Variants in LRRTM2 observed in about 807,000 individuals in gnomAD.
The protein encoded by LRRTM2 is leucine-rich repeat transmembrane neuronal protein 2.
Under a neutral mutation model 40.7 loss-of-function variants are expected in LRRTM2, and 14 were observed. The observed-to-expected ratio is 0.34, with a 90% confidence interval of 0.23 to 0.54. LRRTM2 has a LOEUF of 0.54. LRRTM2 is among the 20% of genes least tolerant of loss of function. LRRTM2 has a pLI of 0.92. For synonymous variants in LRRTM2, 223 were observed against 237.6 expected, an observed-to-expected ratio of 0.94 and a Z score of 0.57; for missense variants, 468 against 624.4, an observed-to-expected ratio of 0.75 and a Z score of 2.67.
In LRRTM2 at chr5:138,874,272, T is replaced by G. The variant is rs758194786; in HGVS notation, c.289A>C (p.Ile97Leu). ...AAAGCATCTTCTTTTACTGTTGAAATTTGATTGTGATCTAAGTGGAGCCAA... is the reference window on the plus strand; with the variant it reads ...AAAGCATCTTCTTTTACTGTTGAAAGTTGATTGTGATCTAAGTGGAGCCAA... The part of the protein sequence containing the change: ...LTWLHLDHNQ[I>L]STVKEDAFQG... Residue 97 changes from isoleucine (I) to leucine (L), a missense_variant, in exon 2 of 2, where the codon ATT becomes CTT. Coordinates refer to ENST00000274711, the MANE Select transcript of LRRTM2 (RefSeq NM_015564.3). This position sits in a 1 kb window ranked among gnomAD's most constrained non-coding sequence, Gnocchi z 4.1. 105 of 1,613,928 alleles carry G rather than the reference T, an allele frequency of 6.5e-5. No individual in the cohort carries two copies. Among genetic ancestry groups the G allele is most frequent in the Non-Finnish European group, 8.7e-5 (103 of 1,179,910 alleles).
At position 138,872,055 on chromosome 5, in the gene LRRTM2, TGTGTGTGTGTGTGC is replaced by T. The variant is rs762687083; in HGVS notation, c.*941_*954del. The T allele has an allele frequency of 1.8e-3, 254 of 139,136 alleles. 1 individual carries two copies. Among genetic ancestry groups the T allele is most frequent in the Non-Finnish European group, 3.0e-3 (191 of 63,834 alleles). 8.6% of individuals were successfully genotyped at this position (139,136 alleles called of 1,614,324 possible). A position where few individuals can be genotyped will look rare whatever the true frequency, so the allele number is the denominator to read the frequency against. On this transcript the variant is annotated 3_prime_UTR_variant, in exon 2 of 2. Coordinates refer to ENST00000274711, the MANE Select transcript of LRRTM2 (RefSeq NM_015564.3). ...GTGTGTGTGTGTGTGTGTGTGTGTG[TGTGTGTGTGTGTGC>T]GCTTTTAAATTGGAGGGAGCATGTC...
chr5:138,874,223 T>A lies in LRRTM2; in HGVS notation c.338A>T (p.Glu113Val). 2 of 1,613,818 alleles carry A rather than the reference T, an allele frequency of 1.2e-6. No individual in the cohort carries two copies. Among genetic ancestry groups the A allele is most frequent in the Non-Finnish European group, 1.7e-6 (2 of 1,179,718 alleles). Reference protein sequence around the residue: ...DAFQGLYKLKELILSSNKIFY... With the variant: ...DAFQGLYKLKVLILSSNKIFY... ...TATTTTGTTGGAACTTAAGATTAAT[T>A]CCTTAAGTTTATATAGTCCTTGAAA... The change falls in exon 2 of 2, where the codon GAA (glutamate) becomes GTA (valine). Residue 113 changes from glutamate (E) to valine (V), a missense_variant. Glu to Val is a moderately radical substitution (Grantham distance 121). Transcript: ENST00000274711. The surrounding 1 kb of genome is among the most constrained non-coding windows in gnomAD (Gnocchi z 4.1).
Position 138,872,793 on chromosome 5 carries a change from C to A in LRRTM2, c.*217G>T. The stretch of plus-strand genomic sequence containing the variant: ...GAAGTAAGCATTTTAGACTTTCCAA[C>A]AGGAGTGCAAATTAATGTGAGCATT... On this transcript the variant is annotated 3_prime_UTR_variant, in exon 2 of 2. Transcript: ENST00000274711. 1 of 437,422 alleles carries A rather than the reference C, an allele frequency of 2.3e-6. No individual in the cohort carries two copies. Among genetic ancestry groups the A allele is most frequent in the Non-Finnish European group, 4.0e-6 (1 of 248,854 alleles). The allele number at this position is 437,422 out of a possible 1,614,324, so 27.1% of individuals were successfully genotyped here.
Position 138,873,361 on chromosome 5 carries a change from A to G in LRRTM2, c.1200T>C (p.Thr400=). 6.2e-7 allele frequency: 1 copy of G among 1,614,070 alleles called. No individual in the cohort carries two copies. The highest frequency in any genetic ancestry group is 8.5e-7 in the Non-Finnish European group (1 of 1,179,886). ...CCTCGGTAGTAACTGCTATGCCTGC[A>G]GTAGTTGGGATTTCTTTGTCTCCCA... ...YHVGDKEIPT[T]AGIAVTTEEH... The change falls in exon 2 of 2, where the codon ACT becomes ACC. Residue 400 remains threonine, a synonymous_variant. Transcript: ENST00000274711. The surrounding 1 kb of genome is among the most constrained non-coding windows in gnomAD (Gnocchi z 6.1).
chr5:138,874,947 G>A lies in LRRTM2; in HGVS notation c.-36C>T, dbSNP rs761653033. 4 of 1,612,850 alleles carry A rather than the reference G, an allele frequency of 2.5e-6. No homozygotes were observed. The highest frequency in any genetic ancestry group is 2.5e-6 in the Non-Finnish European group (3 of 1,179,294). ...ACATTGGAGGCTGCATTCAGTCGCGGTTGTTAGACTCAACGCAGTGAGTCT... is the reference window on the plus strand; with the variant it reads ...ACATTGGAGGCTGCATTCAGTCGCGATTGTTAGACTCAACGCAGTGAGTCT... On this transcript the variant is annotated 5_prime_UTR_variant, in exon 1 of 2. Coordinates refer to ENST00000274711, the MANE Select transcript of LRRTM2 (RefSeq NM_015564.3). The surrounding 1 kb of genome is among the most constrained non-coding windows in gnomAD (Gnocchi z 4.1).
chr5:138,870,940 C>T lies in LRRTM2; in HGVS notation c.*2070G>A, dbSNP rs1433483706. 6.6e-6 allele frequency: 1 copy of T among 152,170 alleles called. No homozygotes were observed. Among genetic ancestry groups the T allele is most frequent in the Non-Finnish European group, 1.5e-5 (1 of 68,040 alleles). 9.4% of individuals were successfully genotyped at this position (152,170 alleles called of 1,614,324 possible). On this transcript the variant is annotated 3_prime_UTR_variant, in exon 2 of 2. Transcript: ENST00000274711. ...TTAACAAGAGACAAAATACTCACCA[C>T]TCGAGATCAACTGAATTGAACTGGG...
Position 138,871,286 on chromosome 5 carries a change from TG to T in LRRTM2, c.*1723del, listed in dbSNP as rs1354660658. ...ATGTCTTTTTTCTACATACAGTAAA[TG>T]GCAGTTGTAAAAAATGCTCATTTTC... On this transcript the variant is annotated 3_prime_UTR_variant, in exon 2 of 2. Coordinates refer to ENST00000274711, the MANE Select transcript of LRRTM2 (RefSeq NM_015564.3). 1.3e-5 allele frequency: 2 copies of T among 152,210 alleles called. No individual in the cohort carries two copies. The highest frequency in any genetic ancestry group is 2.1e-4 in the South Asian group (1 of 4,830). 9.4% of individuals were successfully genotyped at this position (152,210 alleles called of 1,614,324 possible).
chr5:138,874,146 C>G lies in LRRTM2; in HGVS notation c.415G>C (p.Asp139His), dbSNP rs1334023488. 6.2e-7 allele frequency: 1 copy of G among 1,613,588 alleles called. No homozygotes were observed. The highest frequency in any genetic ancestry group is 1.7e-5 in the Admixed American group (1 of 59,928). Residue 139 changes from aspartate (D) to histidine (H), a missense_variant, in exon 2 of 2, where the codon GAC becomes CAC. Coordinates refer to ENST00000274711, the MANE Select transcript of LRRTM2 (RefSeq NM_015564.3). The surrounding 1 kb of genome is among the most constrained non-coding windows in gnomAD (Gnocchi z 4.1). ...FTQLINLQNL[D>H]LSFNQLSSLH... ...GATGACAGCTGATTAAAAGACAGGT[C>G]CAAATTTTGCAGGTTAATCAGTTGG... is the stretch of plus-strand genomic sequence containing the variant.
At position 138,875,185 on chromosome 5, in the gene LRRTM2, G is replaced by T; in HGVS notation, c.-274C>A. 2.8e-6 allele frequency: 1 copy of T among 352,616 alleles called. No individual in the cohort carries two copies. Among genetic ancestry groups the T allele is most frequent in the Non-Finnish European group, 5.0e-6 (1 of 199,902 alleles). 21.8% of individuals were successfully genotyped at this position (352,616 alleles called of 1,614,324 possible). ...TTCTCCACCTCTAACTGCTCAGCTG[G>T]TTAATCAAAGCTTCAGTCTCCTTTC... On this transcript the variant is annotated 5_prime_UTR_variant, in exon 1 of 2. Coordinates refer to ENST00000274711, the MANE Select transcript of LRRTM2 (RefSeq NM_015564.3).
rs1338275791 is a variant in LRRTM2, at chr5:138,874,310, A to C, written c.251T>G (p.Phe84Cys). ...TAAGTGGAGCCAAGTAAGTTGACTG[A>C]AGCTGGCAAATTGATCTCTTTCGAG... ...TELERDQFAS[F>C]SQLTWLHLDH... The change falls in exon 2 of 2, where the codon TTC becomes TGC. Residue 84 changes from phenylalanine (F) to cysteine (C), a missense_variant. Phe to Cys is a radical substitution (Grantham distance 205). Transcript: ENST00000274711. The surrounding 1 kb of genome is among the most constrained non-coding windows in gnomAD (Gnocchi z 4.1). 1.9e-6 allele frequency: 3 copies of C among 1,614,044 alleles called. No homozygotes were observed. The highest frequency in any genetic ancestry group is 3.3e-5 in the Admixed American group (2 of 60,024).
rs1244907996 is a variant in LRRTM2, at chr5:138,873,309, T to C, written c.1252A>G (p.Ile418Val). 1.9e-6 allele frequency: 3 copies of C among 1,614,032 alleles called. No individual in the cohort carries two copies. The South Asian group carries it at 3.3e-5, about 18-fold the overall frequency. Residue 418 changes from isoleucine to valine, a missense_variant, in exon 2 of 2, where the codon ATC (isoleucine) becomes GTC (valine). By Grantham distance (29) the Ile-to-Val change is conservative (BLOSUM62 3). Transcript: ENST00000274711. This position sits in a 1 kb window ranked among gnomAD's most constrained non-coding sequence, Gnocchi z 6.1. ...EEHFPEPDNAIFTQRVITGTM... is the reference protein window; with the variant it reads ...EEHFPEPDNAVFTQRVITGTM... The stretch of plus-strand genomic sequence containing the variant: ...CCCGTAATTACCCGCTGAGTGAAGA[T>C]GGCATTGTCTGGTTCAGGAAAGTGT...
rs1233500375 is a variant in LRRTM2 at position 138,869,469 on chromosome 5, T to C, written c.*3541A>G. 6.6e-6 allele frequency: 1 copy of C among 152,088 alleles called. No individual in the cohort carries two copies. The highest frequency in any genetic ancestry group is 1.5e-5 in the Non-Finnish European group (1 of 68,008). 9.4% of individuals were successfully genotyped at this position (152,088 alleles called of 1,614,324 possible). ...TTTTCAGATAGGTCTGTCGCTGTAT[T>C]CCTGTATTAGGAAAACGATCATGTA... On this transcript the variant is annotated 3_prime_UTR_variant, in exon 2 of 2. Coordinates refer to ENST00000274711, the MANE Select transcript of LRRTM2 (RefSeq NM_015564.3).
In LRRTM2 at chr5:138,873,809, G is replaced by GTCCA. The variant is rs1750949515; in HGVS notation, c.748_751dup (p.Thr251MetfsTer15). On this transcript the variant is annotated frameshift_variant, in exon 2 of 2. Coordinates refer to ENST00000274711, the MANE Select transcript of LRRTM2 (RefSeq NM_015564.3). LOFTEE classifies it high-confidence loss of function. This position sits in a 1 kb window ranked among gnomAD's most constrained non-coding sequence, Gnocchi z 6.1. Reference sequence around the variant, plus strand: ...GTCTAGCTTTTCTAAAGTGCCCCAGGTCCACTCCATCCCACATGTCAAGTT... The same window carrying GTCCA: ...GTCTAGCTTTTCTAAAGTGCCCCAGGTCCATCCACTCCATCCCACATGTCAAGTT... 1 of 1,613,966 alleles carries GTCCA rather than the reference G, an allele frequency of 6.2e-7. No homozygotes were observed. Among genetic ancestry groups the GTCCA allele is most frequent in the Admixed American group, 1.7e-5 (1 of 60,010 alleles).
chr5:138,874,331 T>C lies in LRRTM2; in HGVS notation c.230A>G (p.Glu77Gly), dbSNP rs572904366. ...ACTGAAGCTGGCAAATTGATCTCTT[T>C]CGAGCTCTGTGATGTGATTGTGCCT... The part of the protein sequence containing the change: ...SLRHNHITEL[E>G]RDQFASFSQL... Residue 77 changes from glutamate (E) to glycine (G), a missense_variant, in exon 2 of 2, where the codon GAA becomes GGA. Transcript: ENST00000274711. The surrounding 1 kb of genome is among the most constrained non-coding windows in gnomAD (Gnocchi z 4.1). 1.9e-6 allele frequency: 3 copies of C among 1,614,056 alleles called. No homozygotes were observed. The highest frequency in any genetic ancestry group is 2.2e-5 in the South Asian group (2 of 91,076).
At position 138,873,540 on chromosome 5, in the gene LRRTM2, T is replaced by C. The variant is rs1480626587; in HGVS notation, c.1021A>G (p.Ser341Gly). 1.9e-6 allele frequency: 3 copies of C among 1,614,012 alleles called. No individual in the cohort carries two copies. Among genetic ancestry groups the C allele is most frequent in the Non-Finnish European group, 2.5e-6 (3 of 1,179,900 alleles). Residue 341 changes from serine (S) to glycine (G), a missense_variant, in exon 2 of 2, where the codon AGT becomes GGT. Coordinates refer to ENST00000274711, the MANE Select transcript of LRRTM2 (RefSeq NM_015564.3). This position sits in a 1 kb window ranked among gnomAD's most constrained non-coding sequence, Gnocchi z 6.1. Reference sequence around the variant, plus strand: ...TCCTCTCCTTGGGTGTGGTCAGGACTGTGGCATAGGATGGAGTGTTCCCAC... The same window carrying C: ...TCCTCTCCTTGGGTGTGGTCAGGACCGTGGCATAGGATGGAGTGTTCCCAC... ...GRWEHSILCH[S>G]PDHTQGEDIL...
Position 138,874,318 on chromosome 5 carries a change from A to C in LRRTM2, c.243T>G (p.Phe81Leu), listed in dbSNP as rs1751031643. ...NHITELERDQ[F>L]ASFSQLTWLH... ...GCCAAGTAAGTTGACTGAAGCTGGC[A>C]AATTGATCTCTTTCGAGCTCTGTGA... The change falls in exon 2 of 2, where the codon TTT (phenylalanine) becomes TTG (leucine). Residue 81 changes from phenylalanine (F) to leucine (L), a missense_variant. By Grantham distance (22) the Phe-to-Leu change is conservative. Coordinates refer to ENST00000274711, the MANE Select transcript of LRRTM2 (RefSeq NM_015564.3). This position sits in a 1 kb window ranked among gnomAD's most constrained non-coding sequence, Gnocchi z 4.1. 2.5e-6 allele frequency: 4 copies of C among 1,613,946 alleles called. No individual in the cohort carries two copies. The highest frequency in any genetic ancestry group is 3.4e-6 in the Non-Finnish European group (4 of 1,179,914).
At position 138,875,304 on chromosome 5, in the gene LRRTM2, T is replaced by G. The variant is rs1751238451; in HGVS notation, c.-393A>C. 2 of 775,660 alleles carry G rather than the reference T, an allele frequency of 2.6e-6. No individual in the cohort carries two copies. Among genetic ancestry groups the G allele is most frequent in the African/African-American group, 1.9e-5 (1 of 53,274 alleles). The allele number at this position is 775,660 out of a possible 1,614,324, so 48.0% of individuals were successfully genotyped here. ...CCTGGAGCAGCATGAGTGCATTTAC[T>G]GAAAAGCTTTTCCGAGAAACGGCAC... is the stretch of plus-strand genomic sequence containing the variant. On this transcript the variant is annotated 5_prime_UTR_variant, in exon 1 of 2. Transcript: ENST00000274711.
At position 138,869,092 on chromosome 5, in the gene LRRTM2, C is replaced by T. The variant is rs1301353783; in HGVS notation, c.*3918G>A. The T allele has an allele frequency of 7.1e-6, 1 of 140,814 alleles. No individual in the cohort carries two copies. The highest frequency in any genetic ancestry group is 1.5e-5 in the Non-Finnish European group (1 of 66,004). 8.7% of individuals were successfully genotyped at this position (140,814 alleles called of 1,614,324 possible). ...AAAATGGCTCTTGAAGGTGATTGAA[C>T]ACAATGTATTTGGACTGTACTTTGA... On this transcript the variant is annotated 3_prime_UTR_variant, in exon 2 of 2. Coordinates refer to ENST00000274711, the MANE Select transcript of LRRTM2 (RefSeq NM_015564.3).
In LRRTM2 at chr5:138,872,363, A is replaced by G. The variant is rs1327996240; in HGVS notation, c.*647T>C. ...TCACTTGGATTCATTGTGTAAATAT[A>G]TTAAAGAGTCACTCAGCTTATTAGA... On this transcript the variant is annotated 3_prime_UTR_variant, in exon 2 of 2. Transcript: ENST00000274711. 1 of 152,648 alleles carries G rather than the reference A, an allele frequency of 6.6e-6. No individual in the cohort carries two copies. Among genetic ancestry groups the G allele is most frequent in the Non-Finnish European group, 1.5e-5 (1 of 68,038 alleles). The allele number at this position is 152,648 out of a possible 1,614,324, so 9.5% of individuals were successfully genotyped here.
Sources: gnomAD v4.1 joint callset for allele counts on GRCh38, gnomAD v4.1.1 for gene constraint, Gnocchi (gnomAD v3.1) non-coding constraint, MANE v1.5 for transcripts, NCBI Gene and HGNC (gene_info 2026-07-23, HGNC 2026-07-21) for gene names.